RBFOX2: variants seen among roughly 807,000 people sequenced by gnomAD.
RBFOX2 encodes RNA binding protein fox-1 homolog 2.
RBFOX2 carries 10 observed loss-of-function variants against 49.1 expected under a neutral mutation model. The ratio of observed to expected loss-of-function variants is 0.20; its 90% CI spans 0.13 to 0.35. RBFOX2 has a LOEUF of 0.35. Among genes scored for constraint, RBFOX2 ranks in the 10% least tolerant of loss-of-function variants. The probability of loss-of-function intolerance (pLI) is 1.00; values close to 1 mark genes in which losing one functional copy is unlikely to be tolerated. For synonymous variants in RBFOX2, 183 were observed against 187.4 expected, an observed-to-expected ratio of 0.98 and a Z score of 0.19; for missense variants, 323 against 486.9, an observed-to-expected ratio of 0.66 and a Z score of 3.17.
intron 1 of RBFOX2, among the ~76,000 whole-genome samples, chr22:35,868,635 A>C (rs1220952299): frequency 6.6e-6 from 1 of 152,124 alleles, no homozygotes; most frequent in Non-Finnish European, 1.5e-5. Context: ...GGCACGTGCC[A>C]AGTTTCCACT....
chr22:35,755,990 A>G (rs1936791034), intron 9 of RBFOX2, 115 bp downstream of exon 11: 1 of 598,862 alleles, frequency 1.7e-6, no homozygotes, highest in Non-Finnish European at 2.4e-6. Context: ...AGGAAAAAGA[A>G]AATAAAAATT....
intron 1 of RBFOX2, among the ~76,000 whole-genome samples, chr22:35,954,217 T>A (rs1425956938): frequency 6.6e-6 from 1 of 152,126 alleles, no homozygotes; most frequent in East Asian, 1.9e-4. Flanking sequence ...GTTCAACAAA[T>A]GAACATGTAT....
At chr22:35,751,360 G>C (rs1378238435) in intron 9 of RBFOX2, among the ~76,000 whole-genome samples, 1 of 152,108 alleles carries the variant, frequency 6.6e-6, no homozygotes, top group Non-Finnish European at 1.5e-5. Context: ...CAAAATGAAA[G>C]CTTGTTACCT....
chr22:35,930,776 G>T (rs1384129583), intron 1 of RBFOX2, among the ~76,000 whole-genome samples: 1 of 152,272 alleles, frequency 6.6e-6, no homozygotes, highest in Non-Finnish European at 1.5e-5. Context: ...GTTGCAGTAA[G>T]CCAAGATGAC....
At chr22:35,765,534 G>T in intron 5 of RBFOX2, 51 bp from the exon 7 acceptor site, 1 of 1,182,456 alleles carries the variant, frequency 8.5e-7, no homozygotes, top group South Asian at 1.5e-5. Context: ...ACCACATTAG[G>T]GAACATAAAG....
At chr22:35,856,652 AG>A (rs1362695558) in intron 1 of RBFOX2, among the ~76,000 whole-genome samples, 1 of 151,582 alleles carries the variant, frequency 6.6e-6, no homozygotes, top group African/African-American at 2.4e-5. Flanking sequence ...AAAGAGCAAA[AG>A]AGCTAGGGCT....
chr22:36,008,153 T>C (rs1420317589), intron 1 of RBFOX2, among the ~76,000 whole-genome samples: 1 of 152,332 alleles, frequency 6.6e-6, no homozygotes, highest in East Asian at 1.9e-4. Flanking sequence ...TGAGTTCCTA[T>C]TTCTTTACTC....
At chr22:36,028,115 T>C in intron 1 of RBFOX2, 125 bp downstream of exon 1, 1 of 1,292,122 alleles carries the variant, frequency 7.7e-7, no homozygotes, top group Non-Finnish European at 9.9e-7. Flanking sequence ...AGGCCCCGAA[T>C]GGCCCCCCAT....
chr22:35,931,261 A>G (rs971520426), intron 1 of RBFOX2, among the ~76,000 whole-genome samples: 1 of 152,098 alleles, frequency 6.6e-6, no homozygotes, highest in African/African-American at 2.4e-5. Context: ...CAGGGGGGAA[A>G]AAAAGCAATT....
intron 1 of RBFOX2, among the ~76,000 whole-genome samples, chr22:35,982,275 T>C (rs2057495032): frequency 6.6e-6 from 1 of 152,164 alleles, no homozygotes; most frequent in African/African-American, 2.4e-5. Flanking sequence ...TATTTCTCTA[T>C]TCTTTCTACT....
chr22:35,822,518 G>A (rs1038634426), intron 1 of RBFOX2, among the ~76,000 whole-genome samples: 2 of 152,096 alleles, frequency 1.3e-5, no homozygotes, highest in African/African-American at 4.8e-5. Context: ...GGTAACCCAG[G>A]TAAAAGGACT....
chr22:36,015,915 C>A (rs887342509), intron 1 of RBFOX2, among the ~76,000 whole-genome samples: 26 of 152,126 alleles, frequency 1.7e-4, no homozygotes, highest in Admixed American at 1.2e-3. Context: ...GTATAAAAAT[C>A]CCTGAGAGGA....
At chr22:36,012,102 G>A (rs906474121) in intron 1 of RBFOX2, among the ~76,000 whole-genome samples, 5 of 152,086 alleles carry the variant, frequency 3.3e-5, no homozygotes, top group East Asian at 1.9e-4. Context: ...AAAAAACAAC[G>A]ACAAACTATC....
At chr22:35,885,850 T>C (rs1015599838) in intron 1 of RBFOX2, among the ~76,000 whole-genome samples, 12 of 117,008 alleles carry the variant, frequency 1.0e-4, no homozygotes, top group African/African-American at 3.9e-4. Flanking sequence ...CTAATTTTTT[T>C]TTTTTTTTTT....
chr22:35,880,522 A>ATT (rs2045746879), intron 1 of RBFOX2, among the ~76,000 whole-genome samples: 1 of 152,154 alleles, frequency 6.6e-6, no homozygotes, highest in East Asian at 1.9e-4. Flanking sequence ...ACAGAATTTA[A>ATT]CACCCAGTGT....
intron 1 of RBFOX2, chr22:35,998,195 CCAATA>C (rs1271979245): frequency 2.6e-5 from 4 of 152,064 alleles, no homozygotes; most frequent in Non-Finnish European, 4.4e-5. Flanking sequence ...ATCTTTCCCA[CCAATA>C]CAATAGCAAG....
chr22:35,812,783 T>C (rs966301887), intron 1 of RBFOX2, among the ~76,000 whole-genome samples: 1 of 152,248 alleles, frequency 6.6e-6, no homozygotes, highest in Non-Finnish European at 1.5e-5. Context: ...CACTGCTCCT[T>C]TCAGCCTCCT....
chr22:35,761,745 A>G (rs549443632), intron 6 of RBFOX2, among the ~76,000 whole-genome samples: 41 of 152,172 alleles, frequency 2.7e-4, no homozygotes, highest in Non-Finnish European at 5.7e-4. Flanking sequence ...AAATAAATAG[A>G]AATAAATCCT....
At chr22:35,822,980 C>T (rs927218333) in intron 1 of RBFOX2, 42 of 315,856 alleles carry the variant, frequency 1.3e-4, no homozygotes, top group South Asian at 9.7e-4. Flanking sequence ...CCTGCCACCA[C>T]GCCTGGCTAA....
Sources: gnomAD v4.1 joint callset for allele counts (sites outside exome capture counted in the v4.1 genomes callset) on GRCh38, gnomAD v4.1.1 for gene constraint, MANE v1.5 for transcripts, NCBI Gene and HGNC (gene_info 2026-07-23, HGNC 2026-07-21) for gene names.